MAN2C1: variants seen among roughly 807,000 people sequenced by gnomAD.
MAN2C1 encodes mannosidase alpha class 2C member 1.
Under a neutral mutation model 126.9 loss-of-function variants are expected in MAN2C1, and 111 were observed. That is an observed-to-expected ratio of 0.87 (90% CI 0.75 to 1.02). The LOEUF (loss-of-function observed/expected upper bound fraction) is 1.02. MAN2C1 is among the 50% of genes least tolerant of loss of function. The pLI is 0.00. For missense variants in MAN2C1, 1,363 were observed against 1,364.4 expected (o/e 1.00, Z 0.02); for synonymous variants, 567 against 561.5 (o/e 1.01, Z -0.14).
intron 12 of MAN2C1, 151 bp downstream of exon 12, chr15:75,360,895 A>T: frequency 8.2e-7 from 1 of 1,222,826 alleles, no homozygotes; most frequent in South Asian, 1.6e-5. Flanking sequence ...TCCCCCACCC[A>T]CCCCCAGGGT....
intron 17 of MAN2C1, 87 bp downstream of exon 17, chr15:75,359,241 C>G (rs1321993987): frequency 1.3e-6 from 2 of 1,595,384 alleles, no homozygotes; most frequent in Non-Finnish European, 1.7e-6. Context: ...CGCCTCACCA[C>G]TTGCTCCAGA....
Position 75,362,293 on chromosome 15 carries a change from G to T in MAN2C1, c.1008+50C>A. 1.3e-6 allele frequency: 2 copies of T among 1,532,502 alleles called. No individual in the cohort carries two copies. Among genetic ancestry groups the T allele is most frequent in the East Asian group, 2.3e-5 (1 of 44,228 alleles). The allele number at this position is 1,532,502 out of a possible 1,614,324, so 94.9% of individuals were successfully genotyped here. ...GCCGGGAGGGCGGGGCTACCTGAGG[G>T]AAGGCTGTTGTCATACAGTTCAAGG... is the stretch of plus-strand genomic sequence containing the variant. On this transcript the variant is annotated intron_variant, in intron 8 of 25. Transcript: ENST00000267978. The surrounding 1 kb of genome is among the most constrained non-coding windows in gnomAD (Gnocchi z 4.5).
In MAN2C1 at chr15:75,360,666, G is replaced by A. The variant is rs1421585310; in HGVS notation, c.1483C>T (p.Gln495Ter). The change falls in exon 13 of 26, where the codon CAG becomes TAG. Residue 495 changes from glutamine (Q) to a stop codon, truncating the protein, a stop_gained. Coordinates refer to ENST00000267978, the MANE Select transcript of MAN2C1 (RefSeq NM_006715.4). LOFTEE classifies it high-confidence loss of function. Reference sequence around the variant, plus strand: ...TCACTCTCCAGTGCTGAGAAGAGCTGTCTTGGAGAAGATAGCTGCACCCTG... The same window carrying A: ...TCACTCTCCAGTGCTGAGAAGAGCTATCTTGGAGAAGATAGCTGCACCCTG... ...LPRVQLSSPR[Q>*]LFSALESDSE... 2 of 1,613,822 alleles carry A rather than the reference G, an allele frequency of 1.2e-6. No homozygotes were observed. Among genetic ancestry groups the A allele is most frequent in the Non-Finnish European group, 1.7e-6 (2 of 1,179,994 alleles).
rs762592247 is a variant in MAN2C1, at chr15:75,355,910, T to C, written c.3119A>G (p.His1040Arg). 6 of 1,614,066 alleles carry C rather than the reference T, an allele frequency of 3.7e-6. No homozygotes were observed. The South Asian group carries it at 5.5e-5, about 15-fold the overall frequency. ...CAAAACCCCAGCCCCAGGGACTCAGTGTGGCGGAGGCTGAAGCACGAGCAA... is the reference window on the plus strand; with the variant it reads ...CAAAACCCCAGCCCCAGGGACTCAGCGTGGCGGAGGCTGAAGCACGAGCAA... ...SLLLVLQPPPH is the reference protein window; with the variant it reads ...SLLLVLQPPPR Residue 1040 changes from histidine to arginine, a missense_variant, in exon 26 of 26, where the codon CAC becomes CGC. By Grantham distance (29) the His-to-Arg change is conservative. Coordinates refer to ENST00000267978, the MANE Select transcript of MAN2C1 (RefSeq NM_006715.4).
chr15:75,362,642 C>T lies in MAN2C1; in HGVS notation c.897G>A (p.Gln299=), dbSNP rs768653682. ...CCTCCCTCACAGCTGTCCCTCTGAC[C>T]TGGGAGCAGGCAAAGATGAACTCAG... ...RNPEFIFACS[Q]AQQLEWVKSR... Residue 299 remains glutamine (Q), a splice_region_variant and synonymous_variant, in exon 7 of 26, where the codon CAG becomes CAA. Transcript: ENST00000267978. The surrounding 1 kb of genome is among the most constrained non-coding windows in gnomAD (Gnocchi z 4.5). 1 of 1,614,018 alleles carries T rather than the reference C, an allele frequency of 6.2e-7. No individual in the cohort carries two copies. The highest frequency in any genetic ancestry group is 8.5e-7 in the Non-Finnish European group (1 of 1,179,982).
At chr15:75,366,367 G>GA (rs1472062093) in intron 4 of MAN2C1, 155 bp downstream of exon 4, 7 of 654,666 alleles carry the variant, frequency 1.1e-5, no homozygotes, top group East Asian at 3.1e-5. Context: ...TTATGGTTAG[G>GA]AAAAAATCAT....
Position 75,359,889 on chromosome 15 carries a change from A to G in MAN2C1, c.1792+14T>C. ...GGGGTTGGAGAGAGCAGGCAGGACTATTGTGAGCCTAACCTTCATAATGGC... is the reference window on the plus strand; with the variant it reads ...GGGGTTGGAGAGAGCAGGCAGGACTGTTGTGAGCCTAACCTTCATAATGGC... On this transcript the variant is annotated intron_variant, in intron 15 of 25. Coordinates refer to ENST00000267978, the MANE Select transcript of MAN2C1 (RefSeq NM_006715.4). The G allele has an allele frequency of 6.2e-7, 1 of 1,611,850 alleles. No individual in the cohort carries two copies. Among genetic ancestry groups the G allele is most frequent in the Non-Finnish European group, 8.5e-7 (1 of 1,178,822 alleles).
chr15:75,359,893 T>A lies in MAN2C1; in HGVS notation c.1792+10A>T. 1 of 1,611,872 alleles carries A rather than the reference T, an allele frequency of 6.2e-7. No homozygotes were observed. Among genetic ancestry groups the A allele is most frequent in the South Asian group, 1.1e-5 (1 of 90,774 alleles). ...TTGGAGAGAGCAGGCAGGACTATTGTGAGCCTAACCTTCATAATGGCACAT... is the reference window on the plus strand; with the variant it reads ...TTGGAGAGAGCAGGCAGGACTATTGAGAGCCTAACCTTCATAATGGCACAT... On this transcript the variant is annotated intron_variant, in intron 15 of 25. Transcript: ENST00000267978.
intron 4 of MAN2C1, 113 bp downstream of exon 4, chr15:75,366,409 T>A (rs955267859): frequency 3.7e-6 from 3 of 812,620 alleles, no homozygotes; most frequent in Non-Finnish European, 6.0e-6. Context: ...GATGTGAGGA[T>A]GATTGTGCTA....
intron 13 of MAN2C1, 172 bp from the exon 14 acceptor site, chr15:75,360,383 CT>C: frequency 7.7e-7 from 1 of 1,294,072 alleles, no homozygotes; most frequent in Non-Finnish European, 1.0e-6. Context: ...AGCCCAAACC[CT>C]TCTTTCTTCA....
chr15:75,366,082 G>A (rs1230968341), intron 4 of MAN2C1: 12 of 314,672 alleles, frequency 3.8e-5, no homozygotes, highest in Non-Finnish European at 6.8e-5. Flanking sequence ...GGGAGACTTC[G>A]TCTCAAAAAA....
In MAN2C1 at chr15:75,368,149, G is replaced by A; in HGVS notation, c.151C>T (p.Pro51Ser). Residue 51 changes from proline (P) to serine (S), a missense_variant, in exon 2 of 26, where the codon CCG (proline) becomes TCG (serine). Around this residue, in one of 3 missense-constraint regions of MAN2C1, gnomAD observed 628 missense variants for 609.8 expected, o/e 1.03. Coordinates refer to ENST00000267978, the MANE Select transcript of MAN2C1 (RefSeq NM_006715.4). ...PVAVLSSFLT[P>S]ERLPYQEAVQ... is the part of the protein sequence containing the mutation. ...GCCTCCTGGTAGGGAAGTCTCTCCG[G>A]CGTCAGGAAGCTGGAGAGCACAGCC... The A allele has an allele frequency of 6.2e-7, 1 of 1,604,486 alleles. No homozygotes were observed. The highest frequency in any genetic ancestry group is 1.1e-5 in the South Asian group (1 of 89,630).
Position 75,362,844 on chromosome 15 carries a change from A to T in MAN2C1, c.791-96T>A. The T allele has an allele frequency of 2.0e-6, 2 of 1,019,746 alleles. No homozygotes were observed. The highest frequency in any genetic ancestry group is 3.0e-6 in the Non-Finnish European group (2 of 664,076). 63.2% of individuals were successfully genotyped at this position (1,019,746 alleles called of 1,614,324 possible). On this transcript the variant is annotated intron_variant, in intron 6 of 25. Transcript: ENST00000267978. The surrounding 1 kb of genome is among the most constrained non-coding windows in gnomAD (Gnocchi z 4.5). ...GGTCACCTAGCCCCCCTCCCATCCC[A>T]GGCCCTTCACCCTGGAAAGCCCTGT...
chr15:75,358,427 T>C (rs758512139), intron 20 of MAN2C1, 35 bp downstream of exon 20: 22 of 1,612,856 alleles, frequency 1.4e-5, no homozygotes, highest in African/African-American at 1.1e-4. Flanking sequence ...CCAAGCACAC[T>C]TGGGGAAAAC....
rs2072427458 is a variant in MAN2C1, at chr15:75,359,727, A to G, written c.1841T>C (p.Leu614Pro). 6.2e-7 allele frequency: 1 copy of G among 1,614,108 alleles called. No homozygotes were observed. The highest frequency in any genetic ancestry group is 1.7e-5 in the Admixed American group (1 of 60,028). The change falls in exon 16 of 26, where the codon CTG becomes CCG. Residue 614 changes from leucine to proline, a missense_variant. This residue lies in a region of MAN2C1 where 668 missense variants were observed against 650.1 expected (regional missense o/e 1.03). Transcript: ENST00000267978. ...CTCAGGACCTGGCTCCCCAGCACAC[A>G]GGGCTGCGGCTGCAGCGCTGAGCAG... ...NTLLSAAAAALCAGEPGPEGL... is the reference protein window; with the variant it reads ...NTLLSAAAAAPCAGEPGPEGL...
rs770366576 is a variant in MAN2C1, at chr15:75,360,170, G to A, written c.1626C>T (p.Asp542=). 11 of 1,612,838 alleles carry A rather than the reference G, an allele frequency of 6.8e-6. No individual in the cohort carries two copies. Among genetic ancestry groups the A allele is most frequent in the African/African-American group, 6.7e-5 (5 of 74,936 alleles). ...GGGCCAGGCTACTGAGCAGCTCCACGTCGTGCAGGATCCGCTCACATTCCC... is the reference window on the plus strand; with the variant it reads ...GGGCCAGGCTACTGAGCAGCTCCACATCGTGCAGGATCCGCTCACATTCCC... The part of the protein sequence containing the change: ...GNRECERILH[D]VELLSSLALA... Residue 542 remains aspartate, a synonymous_variant, in exon 14 of 26, where the codon GAC becomes GAT. Transcript: ENST00000267978.
In MAN2C1 at chr15:75,362,203, A is replaced by T; in HGVS notation, c.1008+140T>A. 1 of 757,002 alleles carries T rather than the reference A, an allele frequency of 1.3e-6. No homozygotes were observed. The highest frequency in any genetic ancestry group is 1.7e-5 in the South Asian group (1 of 59,710). 46.9% of individuals were successfully genotyped at this position (757,002 alleles called of 1,614,324 possible). On this transcript the variant is annotated intron_variant, in intron 8 of 25. Transcript: ENST00000267978. This position sits in a 1 kb window ranked among gnomAD's most constrained non-coding sequence, Gnocchi z 4.5. ...TTGAAGTCCCAGGCCTTGAGATCCCAGGGACTAATGAGCCAGCCCTGCCAC... is the reference window on the plus strand; with the variant it reads ...TTGAAGTCCCAGGCCTTGAGATCCCTGGGACTAATGAGCCAGCCCTGCCAC...
intron 3 of MAN2C1, 60 bp downstream of exon 3, chr15:75,367,451 G>A: frequency 1.9e-6 from 3 of 1,589,238 alleles, no homozygotes; most frequent in African/African-American, 1.3e-5. Context: ...CAGAAGAAGG[G>A]CTGTAGTCAT....
intron 18 of MAN2C1, 65 bp downstream of exon 18, chr15:75,358,994 G>T: frequency 6.3e-7 from 1 of 1,597,890 alleles, no homozygotes. Flanking sequence ...TGTGGCAAGG[G>T]GAGAGAGGAA....
Sources: allele counts gnomAD v4.1 joint callset, GRCh38; gene constraint gnomAD v4.1.1; regional missense constraint gnomAD v4.1.1; non-coding constraint Gnocchi (gnomAD v3.1); transcripts MANE v1.5; gene names NCBI Gene and HGNC (gene_info 2026-07-23, HGNC 2026-07-21).